FBXO11: variants seen among roughly 807,000 people sequenced by gnomAD.
The protein encoded by FBXO11 is F-box protein 11.
In FBXO11, 13 loss-of-function variants were observed where a neutral mutation model predicts 117.0. That is an observed-to-expected ratio of 0.11 (90% CI 0.07 to 0.18). The LOEUF is 0.18. Among genes scored for constraint, FBXO11 ranks in the 10% least tolerant of loss-of-function variants. The pLI is 1.00. For missense variants in FBXO11, 767 were observed against 1,164.4 expected (o/e 0.66, Z 4.97); for synonymous variants, 490 against 380.5 (o/e 1.29, Z -3.35).
chr2:47,892,197 T>C lies in FBXO11; in HGVS notation c.232+13292A>G, dbSNP rs374467887. 4.6e-5 allele frequency among the ~76,000 whole-genome samples: 7 copies of C among 152,158 alleles called. No individual in the cohort carries two copies. The East Asian group carries it at 9.6e-4, about 21-fold the overall frequency. On this transcript the variant is annotated intron_variant, in intron 1 of 22. Transcript: ENST00000403359. ...TCCATGAAATCACTGCCAAAGACAA[T>C]GTCACAAAGCCTCCCTCCCTGTAGA...
chr2:47,838,503 C>T (rs904194642), intron 4 of FBXO11, among the ~76,000 whole-genome samples: 1 of 148,136 alleles, frequency 6.8e-6, no homozygotes, highest in Non-Finnish European at 1.5e-5. Flanking sequence ...TTCATGAATA[C>T]AACTGTTTTC....
chr2:47,850,608 C>T (rs1024532459), intron 1 of FBXO11, among the ~76,000 whole-genome samples: 1 of 152,000 alleles, frequency 6.6e-6, no homozygotes, highest in African/African-American at 2.4e-5. Flanking sequence ...TAGAAAATGT[C>T]CACAGATTCA....
At position 47,891,714 on chromosome 2, in the gene FBXO11, T is replaced by TA. The variant is rs532027387; in HGVS notation, c.232+13774dup. ...CCTCCACACTGTTTTCCATAATAGT[T>TA]ACACCATTTTGCATTTCTACCAACA... On this transcript the variant is annotated intron_variant, in intron 1 of 22. Transcript: ENST00000403359. Among the ~76,000 whole-genome samples, 15 of 152,354 alleles carry TA rather than the reference T, an allele frequency of 9.8e-5. 1 individual carries two copies. The South Asian group carries it at 2.9e-3, about 29-fold the overall frequency.
chr2:47,827,133 C>CA (rs1368107813), intron 11 of FBXO11, among the ~76,000 whole-genome samples: 3 of 152,256 alleles, frequency 2.0e-5, no homozygotes, highest in Middle Eastern at 3.4e-3. Flanking sequence ...AATAAAGCAG[C>CA]AAAAAGTTTT....
At chr2:47,809,426 T>C in intron 20 of FBXO11, 160 bp from the exon 21 acceptor site, 1 of 685,268 alleles carries the variant, frequency 1.5e-6, no homozygotes, top group East Asian at 2.8e-5. Context: ...GAATAGAATT[T>C]TCCTTGTATA....
chr2:47,855,864 C>G (rs79019219), intron 1 of FBXO11, among the ~76,000 whole-genome samples: 1 of 151,138 alleles, frequency 6.6e-6, no homozygotes, highest in Non-Finnish European at 1.5e-5. Flanking sequence ...AGGAATGTTG[C>G]CTGGTGAAGC....
intron 1 of FBXO11, among the ~76,000 whole-genome samples, chr2:47,854,422 A>T (rs1674109463): frequency 6.6e-6 from 1 of 152,092 alleles, no homozygotes; most frequent in South Asian, 2.1e-4. Context: ...ATTTGTAATT[A>T]CAACTTGTAA....
chr2:47,841,696 A>C lies in FBXO11; in HGVS notation c.233-1927T>G, dbSNP rs935699872. The stretch of plus-strand genomic sequence containing the variant: ...TCGCTGTGTCGCCAGGCTGGAGTGC[A>C]GTGGCGTGATCTCAGCTCACTGCAA... On this transcript the variant is annotated intron_variant, in intron 1 of 22. Coordinates refer to ENST00000403359, the MANE Select transcript of FBXO11 (RefSeq NM_001190274.2). 3.3e-5 allele frequency among the ~76,000 whole-genome samples: 5 copies of C among 152,300 alleles called. No homozygotes were observed. In the East Asian group the frequency reaches 9.6e-4, roughly 29 times the overall value.
At chr2:47,846,562 A>T (rs921333491) in intron 1 of FBXO11, among the ~76,000 whole-genome samples, 1 of 151,978 alleles carries the variant, frequency 6.6e-6, no homozygotes, top group Non-Finnish European at 1.5e-5. Flanking sequence ...ACTTAAAAAT[A>T]ACCCTCTACC....
chr2:47,905,776 C>A lies in FBXO11; in HGVS notation c.-56G>T, dbSNP rs1572943986. ...GGGACACACACACGCACACGCACAG[C>A]GAGCTTCGGGGCAGGAGAAAGGGGT... On this transcript the variant is annotated 5_prime_UTR_variant, in exon 1 of 23. Coordinates refer to ENST00000403359, the MANE Select transcript of FBXO11 (RefSeq NM_001190274.2). The A allele has an allele frequency of 4.3e-6, 6 of 1,383,422 alleles. No individual in the cohort carries two copies. The highest frequency in any genetic ancestry group is 5.7e-6 in the Non-Finnish European group (6 of 1,056,000). 85.7% of individuals were successfully genotyped at this position (1,383,422 alleles called of 1,614,324 possible).
intron 1 of FBXO11, among the ~76,000 whole-genome samples, chr2:47,879,195 A>G (rs753612083): frequency 5.9e-5 from 9 of 152,172 alleles, no homozygotes; most frequent in Non-Finnish European, 8.8e-5. Flanking sequence ...CTAATCCCCT[A>G]CTGATGGACA....
intron 1 of FBXO11, among the ~76,000 whole-genome samples, chr2:47,858,738 C>G (rs1572858017): frequency 7.1e-6 from 1 of 140,534 alleles, no homozygotes; most frequent in Non-Finnish European, 1.6e-5. Flanking sequence ...AATGCAAAAA[C>G]CTGAACTGAC....
intron 1 of FBXO11, among the ~76,000 whole-genome samples, chr2:47,849,704 G>C (rs1180999793): frequency 6.6e-6 from 1 of 152,202 alleles, no homozygotes; most frequent in Non-Finnish European, 1.5e-5. Context: ...ATTGGTGTAA[G>C]ATTTTCTGAA....
chr2:47,874,887 T>A (rs1008177369), intron 1 of FBXO11, among the ~76,000 whole-genome samples: 28 of 150,340 alleles, frequency 1.9e-4, no homozygotes, highest in South Asian at 1.1e-3. Flanking sequence ...TTTTTTTTTT[T>A]AAAGCAAAAA....
intron 1 of FBXO11, among the ~76,000 whole-genome samples, chr2:47,884,507 G>A (rs1312682168): frequency 6.6e-6 from 1 of 152,136 alleles, no homozygotes. Context: ...TCAGTTCACT[G>A]AAAACAGAGG....
At chr2:47,812,505 G>A (rs1199761198) in intron 18 of FBXO11, among the ~76,000 whole-genome samples, 23 of 152,074 alleles carry the variant, frequency 1.5e-4, no homozygotes, top group Non-Finnish European at 1.5e-5. Context: ...TCTGAGATAC[G>A]TCACTTTACT....
intron 1 of FBXO11, among the ~76,000 whole-genome samples, chr2:47,891,706 A>G (rs940594349): frequency 6.6e-6 from 1 of 152,214 alleles, no homozygotes; most frequent in Non-Finnish European, 1.5e-5. Flanking sequence ...ACTGTTTTCC[A>G]TAATAGTTAC....
chr2:47,878,712 T>C (rs1375279782), intron 1 of FBXO11, among the ~76,000 whole-genome samples: 1 of 151,140 alleles, frequency 6.6e-6, no homozygotes, highest in Non-Finnish European at 1.5e-5. Context: ...GTGCGGTGGC[T>C]CATGCCTGTA....
Position 47,809,697 on chromosome 2 carries a change from A to C in FBXO11, c.2349T>G (p.Ile783Met). ...CTAGTGTTGCAGTTGCGTGATTTGT[A>C]ATTTCAATACCTGAAGTAAAATTTA... ...IFDGFAAGIE[I>M]TNHATATLEG... is the part of the protein sequence containing the mutation. The change falls in exon 20 of 23, where the codon ATT (isoleucine) becomes ATG (methionine). Residue 783 changes from isoleucine to methionine, a missense_variant. By Grantham distance (10) the Ile-to-Met change is conservative. Around this residue, in one of 10 missense-constraint regions of FBXO11, gnomAD observed 66 missense variants for 82.7 expected, o/e 0.80. Transcript: ENST00000403359. 1 of 1,611,412 alleles carries C rather than the reference A, an allele frequency of 6.2e-7. No individual in the cohort carries two copies.
Sources: gnomAD v4.1 joint callset for allele counts (sites outside exome capture counted in the v4.1 genomes callset) on GRCh38, gnomAD v4.1.1 for gene constraint, gnomAD v4.1.1 regional missense constraint, MANE v1.5 for transcripts, NCBI Gene and HGNC (gene_info 2026-07-23, HGNC 2026-07-21) for gene names.